Variants in SLX4IP observed in about 807,000 individuals in gnomAD.
The protein encoded by SLX4IP is protein SLX4IP.
Under a neutral mutation model 32.9 loss-of-function variants are expected in SLX4IP, and 34 were observed. That is an observed-to-expected ratio of 1.03 (90% CI 0.79 to 1.38). The LOEUF is 1.38. Among genes scored for constraint, SLX4IP ranks in the 40% most tolerant of loss-of-function variants. The probability of loss-of-function intolerance (pLI) is 0.00; values close to 1 mark genes in which losing one functional copy is unlikely to be tolerated. For synonymous variants in SLX4IP, 172 were observed against 171.7 expected, an observed-to-expected ratio of 1.00 and a Z score of -0.01; for missense variants, 444 against 479.0, an observed-to-expected ratio of 0.93 and a Z score of 0.68.
chr20:10,498,557 A>T (rs183768393), intron 2 of SLX4IP, among the ~76,000 whole-genome samples: 25 of 152,250 alleles, frequency 1.6e-4, no homozygotes, highest in African/African-American at 4.6e-4. Flanking sequence ...TAACACTGTA[A>T]TATTTTGTGG....
chr20:10,562,749 G>A (rs2066346863), intron 4 of SLX4IP, among the ~76,000 whole-genome samples: 1 of 151,936 alleles, frequency 6.6e-6, no homozygotes, highest in South Asian at 2.1e-4. Flanking sequence ...TTATTTTTTT[G>A]TATATATTGC....
chr20:10,540,185 C>T (rs1190380846), intron 2 of SLX4IP, among the ~76,000 whole-genome samples: 2 of 143,014 alleles, frequency 1.4e-5, no homozygotes, highest in African/African-American at 5.1e-5. Flanking sequence ...CCTTCCCTCC[C>T]TCCCTCTCTT....
At chr20:10,578,628 T>G (rs777304698) in intron 4 of SLX4IP, among the ~76,000 whole-genome samples, 1 of 152,248 alleles carries the variant, frequency 6.6e-6, no homozygotes, top group Non-Finnish European at 1.5e-5. Context: ...ATTCTGTACC[T>G]GTATGTTTAA....
At chr20:10,613,481 G>A in intron 6 of SLX4IP, 1 of 1,601,300 alleles carries the variant, frequency 6.2e-7, no homozygotes, top group Non-Finnish European at 8.5e-7. Flanking sequence ...CTCCTCCTTT[G>A]GAAGATTTGC....
At chr20:10,474,160 T>C (rs1229469403) in intron 2 of SLX4IP, among the ~76,000 whole-genome samples, 1 of 151,936 alleles carries the variant, frequency 6.6e-6, no homozygotes, top group Admixed American at 6.6e-5. Flanking sequence ...AGGTGATCCA[T>C]CCTCCTTGGC....
At chr20:10,520,959 C>T (rs986580492) in intron 2 of SLX4IP, among the ~76,000 whole-genome samples, 5 of 152,194 alleles carry the variant, frequency 3.3e-5, no homozygotes, top group African/African-American at 1.2e-4. Context: ...TTATAAATAG[C>T]ATCCTTATAT....
chr20:10,584,485 A>G (rs993473152), intron 4 of SLX4IP, among the ~76,000 whole-genome samples: 19 of 152,220 alleles, frequency 1.2e-4, no homozygotes, highest in Non-Finnish European at 1.8e-4. Context: ...GACTCTCACT[A>G]CTAATTTCAT....
At chr20:10,606,150 AAAG>A (rs2066903035) in intron 6 of SLX4IP, among the ~76,000 whole-genome samples, 1 of 152,236 alleles carries the variant, frequency 6.6e-6, no homozygotes, top group Non-Finnish European at 1.5e-5. Context: ...AATTTTGCAC[AAAG>A]AAGAAATTTT....
intron 3 of SLX4IP, among the ~76,000 whole-genome samples, chr20:10,559,276 G>A (rs562176744): frequency 6.6e-6 from 1 of 152,304 alleles, no homozygotes; most frequent in East Asian, 1.9e-4. Context: ...GGAAACCAGT[G>A]TTTGTACTTT....
At chr20:10,587,068 GA>G (rs537019977) in intron 4 of SLX4IP, among the ~76,000 whole-genome samples, 21 of 151,572 alleles carry the variant, frequency 1.4e-4, no homozygotes, top group African/African-American at 5.1e-4. Flanking sequence ...AAAAAGAAAA[GA>G]AAAAAACAGG....
intron 2 of SLX4IP, among the ~76,000 whole-genome samples, chr20:10,551,724 C>T (rs974875733): frequency 1.3e-5 from 2 of 152,116 alleles, no homozygotes; most frequent in Non-Finnish European, 2.9e-5. Flanking sequence ...TGACCACACT[C>T]CTGCTAGGGT....
chr20:10,589,740 A>C (rs949852754), intron 4 of SLX4IP, among the ~76,000 whole-genome samples: 10 of 152,186 alleles, frequency 6.6e-5, no homozygotes, highest in African/African-American at 1.9e-4. Context: ...CATTCATCAT[A>C]TGATTTCGTT....
At chr20:10,484,919 A>G (rs942380820) in intron 2 of SLX4IP, among the ~76,000 whole-genome samples, 1 of 152,068 alleles carries the variant, frequency 6.6e-6, no homozygotes, top group Non-Finnish European at 1.5e-5. Context: ...CTGACAAAGA[A>G]CAGAGAATGC....
intron 5 of SLX4IP, among the ~76,000 whole-genome samples, chr20:10,600,003 A>G (rs2066822068): frequency 6.6e-6 from 1 of 151,898 alleles, no homozygotes; most frequent in South Asian, 2.1e-4. Flanking sequence ...TTTGAATTCC[A>G]GTTCTGATCC....
intron 2 of SLX4IP, among the ~76,000 whole-genome samples, chr20:10,512,774 C>CTATATATAT (rs2065819345): frequency 1.5e-4 from 4 of 26,084 alleles, no homozygotes; most frequent in African/African-American, 8.3e-4. Flanking sequence ...TACACACACA[C>CTATATATAT]ACTCTATATA....
intron 2 of SLX4IP, among the ~76,000 whole-genome samples, chr20:10,482,901 A>G (rs2065536768): frequency 6.6e-6 from 1 of 152,150 alleles, no homozygotes; most frequent in African/African-American, 2.4e-5. Flanking sequence ...TAGAAGCCAT[A>G]TCTGTTTAGT....
At chr20:10,516,355 A>G (rs1391089665) in intron 2 of SLX4IP, among the ~76,000 whole-genome samples, 3 of 151,108 alleles carry the variant, frequency 2.0e-5, no homozygotes, top group African/African-American at 7.3e-5. Flanking sequence ...TTCAACTCAG[A>G]GAAAATCACC....
intron 6 of SLX4IP, among the ~76,000 whole-genome samples, chr20:10,611,950 A>G (rs923414133): frequency 4.9e-4 from 75 of 152,318 alleles, no homozygotes; most frequent in African/African-American, 1.7e-3. Flanking sequence ...AGAGAGTACT[A>G]CTGCACAGGG....
intron 6 of SLX4IP, among the ~76,000 whole-genome samples, chr20:10,608,636 T>C (rs1372942979): frequency 7.3e-6 from 1 of 136,984 alleles, no homozygotes; most frequent in African/African-American, 2.8e-5. Context: ...ATTGCACCAC[T>C]GCACTCCAGC....
Sources: gnomAD v4.1 joint callset for allele counts (sites outside exome capture counted in the v4.1 genomes callset) on GRCh38, gnomAD v4.1.1 for gene constraint, MANE v1.5 for transcripts, NCBI Gene and HGNC (gene_info 2026-07-23, HGNC 2026-07-21) for gene names.